PRRC2C: variants seen among roughly 807,000 people sequenced by gnomAD.
PRRC2C encodes the protein proline rich coiled-coil 2C.
A neutral mutation model predicts 317.2 loss-of-function variants in PRRC2C; 72 were observed. The ratio of observed to expected loss-of-function variants is 0.23; its 90% CI spans 0.19 to 0.28. PRRC2C has a LOEUF of 0.28. Among genes scored for constraint, PRRC2C ranks in the 10% least tolerant of loss-of-function variants. The probability of loss-of-function intolerance (pLI) is 1.00; values close to 1 mark genes in which losing one functional copy is unlikely to be tolerated. For synonymous variants in PRRC2C, 1,296 were observed against 1,205.9 expected, an observed-to-expected ratio of 1.07 and a Z score of -1.55; for missense variants, 3,074 against 3,459.7, an observed-to-expected ratio of 0.89 and a Z score of 2.80.
chr1:171,546,457 C>T lies in PRRC2C; in HGVS notation c.4972+770C>T, dbSNP rs535687747. On this transcript the variant is annotated intron_variant, in intron 17 of 34. Coordinates refer to ENST00000647382, the MANE Select transcript of PRRC2C (RefSeq NM_001387844.1). Reference sequence around the variant, plus strand: ...ATAGATGAGGTTTTTCTTTCATCTGCCTAATTGTTATTTGTACATATTAAG... The same window carrying T: ...ATAGATGAGGTTTTTCTTTCATCTGTCTAATTGTTATTTGTACATATTAAG... Among the ~76,000 whole-genome samples the T allele has an allele frequency of 2.6e-3, 398 of 152,264 alleles. 2 individuals carry two copies. The highest frequency in any genetic ancestry group is 9.0e-3 in the African/African-American group (373 of 41,558).
chr1:171,517,433 A>G (rs1041648373), intron 5 of PRRC2C, among the ~76,000 whole-genome samples, 158 bp from the exon 6 acceptor site: 1 of 152,032 alleles, frequency 6.6e-6, no homozygotes, highest in Admixed American at 6.6e-5. Context: ...AGCCACTACT[A>G]CGCAAACAAC....
intron 15 of PRRC2C, 63 bp from the exon 16 acceptor site, chr1:171,539,908 T>C (rs1055446664): frequency 7.6e-7 from 1 of 1,317,656 alleles, no homozygotes; most frequent in African/African-American, 1.5e-5. Context: ...ATTATTTTGC[T>C]ATATACTTAC....
chr1:171,505,762 A>G (rs973726579), intron 1 of PRRC2C, among the ~76,000 whole-genome samples: 5 of 152,032 alleles, frequency 3.3e-5, no homozygotes, highest in African/African-American at 9.7e-5. Flanking sequence ...GAATGGGTTG[A>G]TTTTTGTCAG....
In PRRC2C at chr1:171,568,325, A is replaced by G. The variant is rs1233684527; in HGVS notation, c.6637A>G (p.Thr2213Ala). The G allele has an allele frequency of 6.2e-7, 1 of 1,602,138 alleles. No homozygotes were observed. Among genetic ancestry groups the G allele is most frequent in the South Asian group, 1.1e-5 (1 of 88,788 alleles). Residue 2213 changes from threonine to alanine, a missense_variant, in exon 23 of 35, where the codon ACT becomes GCT. By Grantham distance (58) the Thr-to-Ala change is moderately conservative (BLOSUM62 0). Transcript: ENST00000647382. ...VATNNTKMED[T>A]LVNNVPLPNT... ...TACTAATAATACAAAGATGGAGGAT[A>G]CTTTGGTTAATAATGTAAGTAATCA...
chr1:171,587,683 C>T lies in PRRC2C; in HGVS notation c.8004C>T (p.Gly2668=). The change falls in exon 32 of 35, where the codon GGC becomes GGT. Residue 2668 remains glycine (G), a synonymous_variant. Coordinates refer to ENST00000647382, the MANE Select transcript of PRRC2C (RefSeq NM_001387844.1). ...TGGAACTAAAAGCCTTTGGAAGTGG[C>T]ATTGATATAAAACCAGGCACACCTC... is the stretch of plus-strand genomic sequence containing the variant. ...SEMELKAFGS[G]IDIKPGTPPI... The T allele has an allele frequency of 6.2e-7, 1 of 1,613,194 alleles. No homozygotes were observed. The highest frequency in any genetic ancestry group is 8.5e-7 in the Non-Finnish European group (1 of 1,179,258).
At position 171,566,810 on chromosome 1, in the gene PRRC2C, G is replaced by T. The variant is rs551223904; in HGVS notation, c.6525G>T (p.Ser2175=). ...EMSTEIGTMI[S]VSSAEYGTNA... is the part of the protein sequence containing the mutation. The stretch of plus-strand genomic sequence containing the variant: ...CTACTGAAATAGGAACAATGATCTC[G>T]GTATCATCTGCAGAATATGGTACTA... Residue 2175 remains serine, a synonymous_variant, in exon 22 of 35, where the codon TCG becomes TCT. Coordinates refer to ENST00000647382, the MANE Select transcript of PRRC2C (RefSeq NM_001387844.1). 1.2e-6 allele frequency: 2 copies of T among 1,613,590 alleles called. No individual in the cohort carries two copies. The highest frequency in any genetic ancestry group is 1.7e-6 in the Non-Finnish European group (2 of 1,179,814).
chr1:171,592,209 A>G lies in PRRC2C; in HGVS notation c.*362A>G, dbSNP rs2102916931. The stretch of plus-strand genomic sequence containing the variant: ...ATAAGGAAAATAACACAGCAGAGGA[A>G]TAGCTCAGCCTGAACAGTGTGATGG... On this transcript the variant is annotated 3_prime_UTR_variant, in exon 35 of 35. Coordinates refer to ENST00000647382, the MANE Select transcript of PRRC2C (RefSeq NM_001387844.1). 2 of 190,154 alleles carry G rather than the reference A, an allele frequency of 1.1e-5. 1 individual carries two copies. Among genetic ancestry groups the G allele is most frequent in the South Asian group, 2.7e-4 (2 of 7,506 alleles). 11.8% of individuals were successfully genotyped at this position (190,154 alleles called of 1,614,324 possible).
intron 30 of PRRC2C, 75 bp downstream of exon 30, chr1:171,584,601 T>G (rs1649429980): frequency 6.8e-7 from 1 of 1,459,872 alleles, no homozygotes; most frequent in Admixed American, 2.5e-5. Flanking sequence ...GTTTGGGAAT[T>G]TAAATTGAAC....
rs183194511 is a variant in PRRC2C, at chr1:171,573,740, G to A, written c.6754-1187G>A. 3.8e-3 allele frequency among the ~76,000 whole-genome samples: 549 copies of A among 144,854 alleles called. 2 individuals are homozygous for A. Among genetic ancestry groups the A allele is most frequent in the African/African-American group, 0.013 (497 of 38,384 alleles). On this transcript the variant is annotated intron_variant, in intron 24 of 34. Transcript: ENST00000647382. Reference sequence around the variant, plus strand: ...GTCGCCCAGGCTGGAGTGCAGTGGCGCTATCTCGGCTCACTGCAACCTCTG... The same window carrying A: ...GTCGCCCAGGCTGGAGTGCAGTGGCACTATCTCGGCTCACTGCAACCTCTG...
chr1:171,584,565 T>C, intron 30 of PRRC2C, 39 bp downstream of exon 30: 2 of 1,503,308 alleles, frequency 1.3e-6, no homozygotes, highest in Non-Finnish European at 1.8e-6. Flanking sequence ...ATTTTCTTTA[T>C]TATTATTTTT....
intron 14 of PRRC2C, among the ~76,000 whole-genome samples, chr1:171,536,963 GT>G (rs1676951020): frequency 6.6e-6 from 1 of 152,170 alleles, no homozygotes; most frequent in African/African-American, 2.4e-5. Flanking sequence ...AGTACTTGGT[GT>G]CTGATTTTTA....
intron 16 of PRRC2C, among the ~76,000 whole-genome samples, chr1:171,544,183 C>T (rs758140645): frequency 2.6e-5 from 4 of 151,996 alleles, no homozygotes; most frequent in South Asian, 2.1e-4. Flanking sequence ...AGTGCAGTGG[C>T]GCAATCTCTG....
intron 18 of PRRC2C, among the ~76,000 whole-genome samples, chr1:171,553,070 A>G (rs747783955): frequency 3.3e-5 from 5 of 152,162 alleles, no homozygotes; most frequent in Non-Finnish European, 7.4e-5. Flanking sequence ...GGTAGAATTC[A>G]GCTCTGAATC....
At chr1:171,504,615 A>G (rs1388332570) in intron 1 of PRRC2C, among the ~76,000 whole-genome samples, 1 of 152,166 alleles carries the variant, frequency 6.6e-6, no homozygotes, top group African/African-American at 2.4e-5. Context: ...ATTCTGCTCC[A>G]CTGAACTATT....
chr1:171,504,252 T>C (rs1051953383), intron 1 of PRRC2C, among the ~76,000 whole-genome samples: 1 of 152,222 alleles, frequency 6.6e-6, no homozygotes, highest in Non-Finnish European at 1.5e-5. Context: ...TAGTTTGTCC[T>C]TTAGTTCTCA....
At chr1:171,547,737 C>T (rs899238676) in intron 17 of PRRC2C, among the ~76,000 whole-genome samples, 1 of 148,686 alleles carries the variant, frequency 6.7e-6, no homozygotes, top group Admixed American at 6.8e-5. Context: ...TCTACCTCCT[C>T]GGTTCAAGTG....
chr1:171,573,609 T>C (rs1218770574), intron 24 of PRRC2C, among the ~76,000 whole-genome samples: 1 of 151,672 alleles, frequency 6.6e-6, no homozygotes, highest in East Asian at 1.9e-4. Context: ...TAAGAAAAGG[T>C]TAAATTATGA....
At position 171,539,986 on chromosome 1, in the gene PRRC2C, G is replaced by A; in HGVS notation, c.2520G>A (p.Leu840=). 6.2e-7 allele frequency: 1 copy of A among 1,609,384 alleles called. No individual in the cohort carries two copies. Among genetic ancestry groups the A allele is most frequent in the Non-Finnish European group, 8.5e-7 (1 of 1,178,186 alleles). ...ATCATCATAGGTCTGAAGCTGCGTT[G>A]GACCAGGAACAGATTACTGCTGCTT... ...EPEDVRSEAA[L]DQEQITAAYS... The change falls in exon 16 of 35, where the codon TTG becomes TTA. Residue 840 remains leucine (L), a synonymous_variant. Coordinates refer to ENST00000647382, the MANE Select transcript of PRRC2C (RefSeq NM_001387844.1).
intron 1 of PRRC2C, among the ~76,000 whole-genome samples, chr1:171,500,077 T>C (rs2102124905): frequency 6.6e-6 from 1 of 152,332 alleles, no homozygotes; most frequent in East Asian, 1.9e-4. Context: ...GACACTGTAT[T>C]TTCCAGGGGA....
Sources: allele counts gnomAD v4.1 joint callset (sites outside exome capture counted in the v4.1 genomes callset), GRCh38; gene constraint gnomAD v4.1.1; transcripts MANE v1.5; gene names NCBI Gene and HGNC (gene_info 2026-07-23, HGNC 2026-07-21).